Variants in CEP162 observed in about 807,000 individuals in gnomAD.
CEP162 encodes centrosomal protein 162.
In CEP162, 141 loss-of-function variants were observed where a neutral mutation model predicts 169.2. That is an observed-to-expected ratio of 0.83 (90% confidence interval 0.73 to 0.96). CEP162 has a LOEUF of 0.96. Ranked by LOEUF, CEP162 falls within the 40% of genes least tolerant of loss-of-function variation. The pLI, the probability that CEP162 is intolerant of heterozygous loss-of-function variation, is 0.00. For synonymous variants in CEP162, 540 were observed against 526.4 expected, an observed-to-expected ratio of 1.03 and a Z score of -0.35; for missense variants, 1,600 against 1,587.2, an observed-to-expected ratio of 1.01 and a Z score of -0.14.
chr6:84,178,424 T>C (rs762060944), intron 13 of CEP162, among the ~76,000 whole-genome samples: 3 of 152,232 alleles, frequency 2.0e-5, no homozygotes, highest in Non-Finnish European at 4.4e-5. Flanking sequence ...GGGTGAGGGA[T>C]AAATGGGATT....
chr6:84,218,609 T>C (rs1588894629), intron 3 of CEP162, among the ~76,000 whole-genome samples: 1 of 152,230 alleles, frequency 6.6e-6, no homozygotes, highest in Non-Finnish European at 1.5e-5. Context: ...GTGCTATAAA[T>C]ATGAAGATTA....
At position 84,186,996 on chromosome 6, in the gene CEP162, G is replaced by A. The variant is rs983342568; in HGVS notation, c.1110-373C>T. On this transcript the variant is annotated intron_variant, in intron 11 of 26. Transcript: ENST00000403245. ...TTTATCTACAATTTCTTATAAAGTCGACATGCATTTGAAATAAGAAAAACA... is the reference window on the plus strand; with the variant it reads ...TTTATCTACAATTTCTTATAAAGTCAACATGCATTTGAAATAAGAAAAACA... 5.9e-5 allele frequency among the ~76,000 whole-genome samples: 9 copies of A among 152,032 alleles called. No individual in the cohort carries two copies. The South Asian group carries it at 1.7e-3, about 28-fold the overall frequency.
rs1001849483 is a variant in CEP162, at chr6:84,149,696, C to A, written c.3637G>T (p.Glu1213Ter). ...GATGCAATGTGTGCTGCAGTATCTT[C>A]CTTGACCCTACAGAGCAAATGAAAG... ...QFENSMRRVKEDTAAHIASLK... is the reference protein window; with the variant it reads ...QFENSMRRVK The change falls in exon 24 of 27, where the codon GAA (glutamate) becomes TAA (stop). Residue 1213 changes from glutamate (E) to a stop codon, truncating the protein, a stop_gained. Coordinates refer to ENST00000403245, the MANE Select transcript of CEP162 (RefSeq NM_014895.4). LOFTEE classifies it high-confidence loss of function. 3.3e-6 allele frequency: 5 copies of A among 1,537,768 alleles called. No individual in the cohort carries two copies. The highest frequency in any genetic ancestry group is 4.4e-6 in the Non-Finnish European group (5 of 1,142,760).
At chr6:84,151,303 G>A (rs2099521005) in intron 23 of CEP162, among the ~76,000 whole-genome samples, 1 of 151,938 alleles carries the variant, frequency 6.6e-6, no homozygotes, top group Non-Finnish European at 1.5e-5. Flanking sequence ...AGATTGGAGT[G>A]GGAAAATTGT....
chr6:84,127,663 T>C (rs1396156967), intron 25 of CEP162, among the ~76,000 whole-genome samples: 1 of 152,202 alleles, frequency 6.6e-6, no homozygotes, highest in Non-Finnish European at 1.5e-5. Flanking sequence ...TTTCAATTCC[T>C]GTAACCTTTT....
intron 6 of CEP162, among the ~76,000 whole-genome samples, chr6:84,205,168 C>T (rs1430394332): frequency 6.6e-6 from 1 of 152,202 alleles, no homozygotes; most frequent in Non-Finnish European, 1.5e-5. Context: ...GGTACCATTT[C>T]TTCTGAAACT....
intron 19 of CEP162, 47 bp from the exon 20 acceptor site, chr6:84,161,956 A>G: frequency 8.6e-7 from 1 of 1,168,556 alleles, no homozygotes; most frequent in East Asian, 2.4e-5. Context: ...TCTCCAAAAT[A>G]TGGAAATAAA....
chr6:84,169,358 T>C lies in CEP162; in HGVS notation c.2355A>G (p.Thr785=). 1.3e-6 allele frequency: 2 copies of C among 1,581,372 alleles called. No homozygotes were observed. The highest frequency in any genetic ancestry group is 1.7e-6 in the Non-Finnish European group (2 of 1,162,538). The part of the protein sequence containing the change: ...DSEPTRNQNF[T]DLLAELRMAQ... ...CCATCCGTAGTTCTGCTAACAGATC[T>C]GTAAAATTCTGATTTCTTGTGGGCT... is the stretch of plus-strand genomic sequence containing the variant. The change falls in exon 18 of 27, where the codon ACA becomes ACG. Residue 785 remains threonine (T), a synonymous_variant. Coordinates refer to ENST00000403245, the MANE Select transcript of CEP162 (RefSeq NM_014895.4).
intron 18 of CEP162, 79 bp downstream of exon 18, chr6:84,169,249 T>A (rs1052507315): frequency 2.0e-5 from 16 of 783,380 alleles, no homozygotes; most frequent in East Asian, 1.4e-4. Flanking sequence ...TGTAATTTTT[T>A]AATAAAAATT....
intron 13 of CEP162, among the ~76,000 whole-genome samples, chr6:84,180,542 A>C (rs889839065): frequency 1.1e-4 from 16 of 150,696 alleles, no homozygotes; most frequent in Admixed American, 9.9e-4. Flanking sequence ...TTAGGAAAAG[A>C]GGAAGTCAAA....
chr6:84,169,576 A>G (rs2099529181), intron 17 of CEP162, 143 bp from the exon 18 acceptor site: 6 of 506,164 alleles, frequency 1.2e-5, no homozygotes, highest in Non-Finnish European at 2.1e-5. Context: ...CATTTAATCT[A>G]AAGATTAAAA....
intron 13 of CEP162, among the ~76,000 whole-genome samples, chr6:84,182,343 CAAT>C (rs2099535235): frequency 6.6e-6 from 1 of 151,438 alleles, no homozygotes; most frequent in South Asian, 2.1e-4. Flanking sequence ...TAAGAGAAGA[CAAT>C]AATAAGTATT....
intron 25 of CEP162, among the ~76,000 whole-genome samples, chr6:84,130,753 T>G (rs2099511012): frequency 6.6e-6 from 1 of 152,016 alleles, no homozygotes; most frequent in Non-Finnish European, 1.5e-5. Context: ...TCTCTTCTCT[T>G]CTTTATTAAT....
In CEP162 at chr6:84,152,793, T is replaced by G. The variant is rs774043726; in HGVS notation, c.3381A>C (p.Arg1127Ser). Residue 1127 changes from arginine (R) to serine (S), a missense_variant, in exon 23 of 27, where the codon AGA (arginine) becomes AGC (serine). Arg to Ser is a moderately radical substitution (Grantham distance 110). Transcript: ENST00000403245. ...MMLSNQNSKG[R>S]EEMSAKRAKK... is the part of the protein sequence containing the mutation. ...TTGCCCTTTTGGCAGACATTTCCTC[T>G]CTGCCCTTTGAGTTCTGATTTGATA... is the stretch of plus-strand genomic sequence containing the variant. 1 of 1,613,508 alleles carries G rather than the reference T, an allele frequency of 6.2e-7. No homozygotes were observed. Among genetic ancestry groups the G allele is most frequent in the Non-Finnish European group, 8.5e-7 (1 of 1,179,784 alleles).
At position 84,125,192 on chromosome 6, in the gene CEP162, G is replaced by A. The variant is rs774723688; in HGVS notation, c.4090C>T (p.Arg1364Cys). Residue 1364 changes from arginine to cysteine, a missense_variant, in exon 27 of 27, where the codon CGT becomes TGT. Transcript: ENST00000403245. ...KWKRLAQLKNRELEKFRTELD... is the reference protein window; with the variant it reads ...KWKRLAQLKNCELEKFRTELD... ...TCTGTGCGGAACTTCTCCAGCTCAC[G>A]ATTCTTTAACTGTGCCAGTCTTTTC... 5.6e-6 allele frequency: 9 copies of A among 1,613,468 alleles called. No homozygotes were observed. Among genetic ancestry groups the A allele is most frequent in the East Asian group, 2.2e-5 (1 of 44,884 alleles).
chr6:84,148,838 T>TC (rs2099520049), intron 24 of CEP162, among the ~76,000 whole-genome samples: 1 of 152,154 alleles, frequency 6.6e-6, no homozygotes, highest in Non-Finnish European at 1.5e-5. Context: ...GCCACCTTTT[T>TC]CTTTTTCTTG....
intron 6 of CEP162, among the ~76,000 whole-genome samples, chr6:84,207,086 G>A (rs1400548024): frequency 6.6e-6 from 1 of 152,198 alleles, no homozygotes; most frequent in Admixed American, 6.5e-5. Context: ...TGCTGGAGAG[G>A]ATGTGGAGAA....
intron 3 of CEP162, among the ~76,000 whole-genome samples, chr6:84,219,755 A>C (rs1203327789): frequency 1.3e-5 from 2 of 152,216 alleles, no homozygotes; most frequent in African/African-American, 4.8e-5. Context: ...CAAATTTATC[A>C]TTTAATGTTG....
At chr6:84,179,855 C>CCTACCAACCAAAAAAAAGTACAA (rs2099534010) in intron 13 of CEP162, among the ~76,000 whole-genome samples, 1 of 152,042 alleles carries the variant, frequency 6.6e-6, no homozygotes, top group Non-Finnish European at 1.5e-5. Flanking sequence ...TAATTAATAG[C>CCTACCAACCAAAAAAAAGTACAA]CTACCAACCA....
Sources: allele counts gnomAD v4.1 joint callset (sites outside exome capture counted in the v4.1 genomes callset), GRCh38; gene constraint gnomAD v4.1.1; transcripts MANE v1.5; gene names NCBI Gene and HGNC (gene_info 2026-07-23, HGNC 2026-07-21).